The following GIPC3 variants were observed in gnomAD, a reference collection of about 807,000 sequenced individuals.
GIPC3 encodes GIPC PDZ domain containing family member 3.
A neutral mutation model predicts 27.3 loss-of-function variants in GIPC3; 16 were observed. The observed-to-expected ratio is 0.59, with a 90% CI of 0.40 to 0.89. The LOEUF (loss-of-function observed/expected upper bound fraction) is 0.89. GIPC3 is among the 40% of genes least tolerant of loss of function. The pLI is 0.00. For missense variants in GIPC3, 440 were observed against 442.1 expected (o/e 1.00, Z 0.04); for synonymous variants, 194 against 184.6 (o/e 1.05, Z -0.41).
chr19:3,585,505 T>C lies in GIPC3; in HGVS notation c.-93T>C. 1 of 1,037,698 alleles carries C rather than the reference T, an allele frequency of 9.6e-7. No individual in the cohort carries two copies. The highest frequency in any genetic ancestry group is 1.2e-6 in the Non-Finnish European group (1 of 860,110). 64.3% of individuals were successfully genotyped at this position (1,037,698 alleles called of 1,614,324 possible). A position where few individuals can be genotyped will look rare whatever the true frequency, so the allele number is the denominator to read the frequency against. On this transcript the variant is annotated 5_prime_UTR_variant, in exon 1 of 6. Coordinates refer to ENST00000644452, the MANE Select transcript of GIPC3 (RefSeq NM_133261.3). ...TCCCCTTACCCGGGCGTCTCGGCTG[T>C]CGCGCCCTGGGCCGGGGGAGGGGAG...
rs2032461113 is a variant in GIPC3, at chr19:3,590,196, C to G, written c.*6C>G. On this transcript the variant is annotated 3_prime_UTR_variant, in exon 6 of 6. Transcript: ENST00000644452. Reference sequence around the variant, plus strand: ...CCAGAGAGGCCTGTGGCTAGTTTGCCCTGGGGGGGCCCAGCACAGCCCCAG... The same window carrying G: ...CCAGAGAGGCCTGTGGCTAGTTTGCGCTGGGGGGGCCCAGCACAGCCCCAG... The G allele has an allele frequency of 6.3e-7, 1 of 1,584,994 alleles. No individual in the cohort carries two copies. Among genetic ancestry groups the G allele is most frequent in the Admixed American group, 1.8e-5 (1 of 55,076 alleles).
intron 4 of GIPC3, 95 bp downstream of exon 4, chr19:3,589,650 T>C: frequency 8.3e-7 from 1 of 1,209,288 alleles, no homozygotes; most frequent in Non-Finnish European, 1.2e-6. Context: ...CCTCGGAGCC[T>C]CAGTTTCTCT....
rs1411972994 is a variant in GIPC3 at position 3,585,945 on chromosome 19, C to T, written c.225+123C>T. On this transcript the variant is annotated intron_variant, in intron 1 of 5. Transcript: ENST00000644452. ...CCAGACGTCGGGGTGGCCGCCTAATCGCCGGATCTCAGAGACCCAGCCCTC... is the reference window on the plus strand; with the variant it reads ...CCAGACGTCGGGGTGGCCGCCTAATTGCCGGATCTCAGAGACCCAGCCCTC... 3 of 1,441,962 alleles carry T rather than the reference C, an allele frequency of 2.1e-6. No homozygotes were observed. The Admixed American group carries it at 6.8e-5, about 33-fold the overall frequency. 89.3% of individuals were successfully genotyped at this position (1,441,962 alleles called of 1,614,324 possible). A position where few individuals can be genotyped will look rare whatever the true frequency, so the allele number is the denominator to read the frequency against.
Position 3,591,533 on chromosome 19 carries a change from C to T in GIPC3, c.*1343C>T. On this transcript the variant is annotated 3_prime_UTR_variant, in exon 6 of 6. Transcript: ENST00000644452. ...TTAATTTTGGAACCCATGTGAGATTCATGAAGCAGCCCAGCTCTGGAACCC... is the reference window on the plus strand; with the variant it reads ...TTAATTTTGGAACCCATGTGAGATTTATGAAGCAGCCCAGCTCTGGAACCC... The T allele has an allele frequency of 1.6e-6, 2 of 1,232,668 alleles. No individual in the cohort carries two copies. The highest frequency in any genetic ancestry group is 2.0e-6 in the Non-Finnish European group (2 of 988,648). The allele number at this position is 1,232,668 out of a possible 1,614,324, so 76.4% of individuals were successfully genotyped here.
chr19:3,585,680 C>G lies in GIPC3; in HGVS notation c.83C>G (p.Pro28Arg). 3.7e-6 allele frequency: 5 copies of G among 1,361,788 alleles called. No individual in the cohort carries two copies. The highest frequency in any genetic ancestry group is 4.8e-6 in the Non-Finnish European group (5 of 1,047,970). 84.4% of individuals were successfully genotyped at this position (1,361,788 alleles called of 1,614,324 possible). A position where few individuals can be genotyped will look rare whatever the true frequency, so the allele number is the denominator to read the frequency against. The change falls in exon 1 of 6, where the codon CCG becomes CGG. Residue 28 changes from proline (P) to arginine (R), a missense_variant. Coordinates refer to ENST00000644452, the MANE Select transcript of GIPC3 (RefSeq NM_133261.3). ...SAPPPAPSEP[P>R]AAPRARPRLV... ...CCCCCGCCCGCGCCCTCGGAGCCCC[C>G]GGCCGCGCCCCGCGCCCGCCCGCGC...
Position 3,589,558 on chromosome 19 carries a change from G to A in GIPC3, c.705+3G>A. The A allele has an allele frequency of 6.2e-7, 1 of 1,607,610 alleles. No homozygotes were observed. Among genetic ancestry groups the A allele is most frequent in the Non-Finnish European group, 8.5e-7 (1 of 1,174,324 alleles). On this transcript the variant is annotated splice_donor_region_variant and intron_variant, in intron 4 of 5. Coordinates refer to ENST00000644452, the MANE Select transcript of GIPC3 (RefSeq NM_133261.3). Reference sequence around the variant, plus strand: ...GGGCTGCCACAGTGGAGGAAGCGGTGAGTGAAGGGGAGGGGCTCTCCCCAG... The same window carrying A: ...GGGCTGCCACAGTGGAGGAAGCGGTAAGTGAAGGGGAGGGGCTCTCCCCAG...
chr19:3,589,945 GGGGAGGGAAGCCTAC>G, intron 5 of GIPC3, 33 bp downstream of exon 5: 1 of 1,613,570 alleles, frequency 6.2e-7, no homozygotes, highest in Non-Finnish European at 8.5e-7. Context: ...GGGGCCCTGG[GGGGAGGGAAGCCTAC>G]GGGAGGAGGC....
In GIPC3 at chr19:3,591,629, C is replaced by T. The variant is rs1249433446; in HGVS notation, c.*1439C>T. On this transcript the variant is annotated 3_prime_UTR_variant, in exon 6 of 6. Transcript: ENST00000644452. ...CAAGAACTCAGACCAGCTCAGAAAC[C>T]CAGGTCCACACGGCTGCCCAGTCCA... 54 of 1,233,304 alleles carry T rather than the reference C, an allele frequency of 4.4e-5. No individual in the cohort carries two copies. The East Asian group carries it at 1.6e-3, about 37-fold the overall frequency. The allele number at this position is 1,233,304 out of a possible 1,614,324, so 76.4% of individuals were successfully genotyped here.
intron 3 of GIPC3, among the ~76,000 whole-genome samples, chr19:3,588,555 C>T (rs974351074): frequency 1.3e-5 from 2 of 148,290 alleles, no homozygotes; most frequent in Admixed American, 6.8e-5. Context: ...GAGTTTAGGC[C>T]GGGCGTGGTG....
Position 3,593,148 on chromosome 19 carries a change from C to T in GIPC3, c.*2958C>T, listed in dbSNP as rs1204616882. 4.1e-6 allele frequency: 5 copies of T among 1,224,418 alleles called. No homozygotes were observed. Among genetic ancestry groups the T allele is most frequent in the Non-Finnish European group, 5.1e-6 (5 of 987,970 alleles). The allele number at this position is 1,224,418 out of a possible 1,614,324, so 75.8% of individuals were successfully genotyped here. ...GGTGGGACCCCAGAAGTCCACCCCA[C>T]CCACCATATCTGTCACTCCTAGTCC... On this transcript the variant is annotated 3_prime_UTR_variant, in exon 6 of 6. Coordinates refer to ENST00000644452, the MANE Select transcript of GIPC3 (RefSeq NM_133261.3).
rs2032484483 is a variant in GIPC3 at position 3,591,272 on chromosome 19, G to A, written c.*1082G>A. ...AGACCAAGCCCTGCTCTGAAGCCCAGGCCAGCTCTGAGACGAAGCACATCT... is the reference window on the plus strand; with the variant it reads ...AGACCAAGCCCTGCTCTGAAGCCCAAGCCAGCTCTGAGACGAAGCACATCT... On this transcript the variant is annotated 3_prime_UTR_variant, in exon 6 of 6. Coordinates refer to ENST00000644452, the MANE Select transcript of GIPC3 (RefSeq NM_133261.3). 8.1e-7 allele frequency: 1 copy of A among 1,232,626 alleles called. No individual in the cohort carries two copies. Among genetic ancestry groups the A allele is most frequent in the African/African-American group, 1.6e-5 (1 of 64,416 alleles). The allele number at this position is 1,232,626 out of a possible 1,614,324, so 76.4% of individuals were successfully genotyped here.
rs1041220785 is a variant in GIPC3, at chr19:3,589,528, T to C, written c.678T>C (p.Ser226=). 1.9e-6 allele frequency: 3 copies of C among 1,613,300 alleles called. No homozygotes were observed. Among genetic ancestry groups the C allele is most frequent in the Admixed American group, 1.7e-5 (1 of 59,974 alleles). ...TSGRETLRLR[S]GGAATVEEAP... The stretch of plus-strand genomic sequence containing the variant: ...GGAGGGAGACCCTGCGGCTTCGTTC[T>C]GGGGGGGCTGCCACAGTGGAGGAAG... Residue 226 remains serine, a synonymous_variant, in exon 4 of 6, where the codon TCT becomes TCC. Coordinates refer to ENST00000644452, the MANE Select transcript of GIPC3 (RefSeq NM_133261.3).
chr19:3,585,526 G>A lies in GIPC3; in HGVS notation c.-72G>A. 1 of 1,082,864 alleles carries A rather than the reference G, an allele frequency of 9.2e-7. No homozygotes were observed. Among genetic ancestry groups the A allele is most frequent in the Non-Finnish European group, 1.1e-6 (1 of 892,384 alleles). 67.1% of individuals were successfully genotyped at this position (1,082,864 alleles called of 1,614,324 possible). On this transcript the variant is annotated 5_prime_UTR_variant, in exon 1 of 6. Transcript: ENST00000644452. ...GCTGTCGCGCCCTGGGCCGGGGGAG[G>A]GGAGGCTGCAGGAAGCGGCGGATCC...
rs2032521159 is a variant in GIPC3 at position 3,593,149 on chromosome 19, C to A, written c.*2959C>A. On this transcript the variant is annotated 3_prime_UTR_variant, in exon 6 of 6. Transcript: ENST00000644452. Reference sequence around the variant, plus strand: ...GTGGGACCCCAGAAGTCCACCCCACCCACCATATCTGTCACTCCTAGTCCT... The same window carrying A: ...GTGGGACCCCAGAAGTCCACCCCACACACCATATCTGTCACTCCTAGTCCT... 8.1e-7 allele frequency: 1 copy of A among 1,227,696 alleles called. No homozygotes were observed. The highest frequency in any genetic ancestry group is 1.0e-6 in the Non-Finnish European group (1 of 988,146). 76.1% of individuals were successfully genotyped at this position (1,227,696 alleles called of 1,614,324 possible).
chr19:3,591,221 C>A lies in GIPC3; in HGVS notation c.*1031C>A. 1 of 1,233,006 alleles carries A rather than the reference C, an allele frequency of 8.1e-7. No homozygotes were observed. The allele number at this position is 1,233,006 out of a possible 1,614,324, so 76.4% of individuals were successfully genotyped here. A position where few individuals can be genotyped will look rare whatever the true frequency, so the allele number is the denominator to read the frequency against. ...CTCAGGCCACCTCTGAGGCCAAACCCAGCTCTAGAACCCAGATAAGATCTG... is the reference window on the plus strand; with the variant it reads ...CTCAGGCCACCTCTGAGGCCAAACCAAGCTCTAGAACCCAGATAAGATCTG... On this transcript the variant is annotated 3_prime_UTR_variant, in exon 6 of 6. Coordinates refer to ENST00000644452, the MANE Select transcript of GIPC3 (RefSeq NM_133261.3).
In GIPC3 at chr19:3,587,008, G is replaced by T; in HGVS notation, c.592+14G>T. 6.2e-7 allele frequency: 1 copy of T among 1,606,040 alleles called. No individual in the cohort carries two copies. Among genetic ancestry groups the T allele is most frequent in the Non-Finnish European group, 8.5e-7 (1 of 1,176,984 alleles). On this transcript the variant is annotated intron_variant, in intron 3 of 5. Transcript: ENST00000644452. The stretch of plus-strand genomic sequence containing the variant: ...AGAGGGCCTTCGGTGAGGCGGGTGG[G>T]CTGGCGGGAGCTCTTCCCGAAGTGC...
rs754155619 is a variant in GIPC3, at chr19:3,587,007, G to A, written c.592+13G>A. On this transcript the variant is annotated intron_variant, in intron 3 of 5. Coordinates refer to ENST00000644452, the MANE Select transcript of GIPC3 (RefSeq NM_133261.3). ...AAGAGGGCCTTCGGTGAGGCGGGTG[G>A]GCTGGCGGGAGCTCTTCCCGAAGTG... 3 of 1,608,104 alleles carry A rather than the reference G, an allele frequency of 1.9e-6. No individual in the cohort carries two copies. Among genetic ancestry groups the A allele is most frequent in the African/African-American group, 1.3e-5 (1 of 74,986 alleles).
At chr19:3,587,913 TCTC>T (rs2032406290) in intron 3 of GIPC3, among the ~76,000 whole-genome samples, 1 of 151,904 alleles carries the variant, frequency 6.6e-6, no homozygotes, top group African/African-American at 2.4e-5. Flanking sequence ...ACGGTCTCGA[TCTC>T]CTGACCTCGT....
In GIPC3 at chr19:3,592,215, T is replaced by G; in HGVS notation, c.*2025T>G. On this transcript the variant is annotated 3_prime_UTR_variant, in exon 6 of 6. Coordinates refer to ENST00000644452, the MANE Select transcript of GIPC3 (RefSeq NM_133261.3). ...GCGCTGCCCAGGAGCTCGACCAGCC[T>G]CTGGGACTCAATTCGCCTCTAAAAC... 8.1e-7 allele frequency: 1 copy of G among 1,232,234 alleles called. No individual in the cohort carries two copies. Among genetic ancestry groups the G allele is most frequent in the Non-Finnish European group, 1.0e-6 (1 of 988,158 alleles). 76.3% of individuals were successfully genotyped at this position (1,232,234 alleles called of 1,614,324 possible). A position where few individuals can be genotyped will look rare whatever the true frequency, so the allele number is the denominator to read the frequency against.
Sources: allele counts gnomAD v4.1 joint callset (sites outside exome capture counted in the v4.1 genomes callset), GRCh38; gene constraint gnomAD v4.1.1; transcripts MANE v1.5; gene names NCBI Gene and HGNC (gene_info 2026-07-23, HGNC 2026-07-21).